The following CDC42BPG variants were observed in gnomAD, a reference collection of about 807,000 sequenced individuals.
CDC42BPG encodes CDC42 binding protein kinase gamma.
Under a neutral mutation model 192.2 loss-of-function variants are expected in CDC42BPG, and 157 were observed. The ratio of observed to expected loss-of-function variants is 0.82; its 90% CI spans 0.72 to 0.93. The LOEUF (loss-of-function observed/expected upper bound fraction) is 0.93, where lower values mean the gene tolerates loss of function less well. CDC42BPG is among the 40% of genes least tolerant of loss of function. The pLI is 0.00. For missense variants in CDC42BPG, 1,992 were observed against 2,122.1 expected, an observed-to-expected ratio of 0.94 and a Z score of 1.20; for synonymous variants, 981 against 918.5, an observed-to-expected ratio of 1.07 and a Z score of -1.23.
intron 1 of CDC42BPG, among the ~76,000 whole-genome samples, chr11:64,842,886 C>G (rs1371890208): frequency 1.3e-5 from 2 of 152,154 alleles, no homozygotes; most frequent in East Asian, 3.9e-4. Context: ...CTGGGCGGGT[C>G]TGTGGGTGGG....
chr11:64,827,557 G>A lies in CDC42BPG; in HGVS notation c.4120C>T (p.Arg1374Cys). ...AGCTGGTTCCTGAGGTAGGTCAGGC[G>A]GACCTTCTCGGTGCCGTAGAGGAAC... ...SLFLYGTEKV[R>C]LTYLRNQLAE... The change falls in exon 32 of 37, where the codon CGC becomes TGC. Residue 1374 changes from arginine to cysteine, a missense_variant. Around this residue, in one of 2 missense-constraint regions of CDC42BPG, gnomAD observed 336 missense variants for 277.9 expected, o/e 1.21. Transcript: ENST00000342711. 4 of 1,612,758 alleles carry A rather than the reference G, an allele frequency of 2.5e-6. No individual in the cohort carries two copies. The highest frequency in any genetic ancestry group is 3.4e-6 in the Non-Finnish European group (4 of 1,179,212).
rs11231887 is a variant in CDC42BPG, at chr11:64,831,667, C to T, written c.3142G>A (p.Ala1048Thr). Reference protein sequence around the residue: ...PPTTCTVLLLAESEGERERWL... With the variant: ...PPTTCTVLLLTESEGERERWL... The stretch of plus-strand genomic sequence containing the variant: ...CGTTCCCGCTCCCCCTCGCTCTCTG[C>T]CAGCAGCAGCACAGTGCACGTGGTG... The change falls in exon 28 of 37, where the codon GCA becomes ACA. Residue 1048 changes from alanine to threonine, a missense_variant. By Grantham distance (58) the Ala-to-Thr change is moderately conservative. Coordinates refer to ENST00000342711, the MANE Select transcript of CDC42BPG (RefSeq NM_017525.3). 0.035 allele frequency: 56,718 copies of T among 1,609,260 alleles called. 1,289 individuals are homozygous for T. The highest frequency in any genetic ancestry group is 0.052 in the Middle Eastern group (313 of 6,060).
rs55688429 is a variant in CDC42BPG, at chr11:64,838,695, T to C, written c.1084A>G (p.Thr362Ala). ...TCGTCATCCACATCAAAGTTGGAGG[T>C]GTCCATGGGCCCCCGCAGCTCAGGA... ...YIPELRGPMD[T>A]SNFDVDDDTL... Residue 362 changes from threonine to alanine, a missense_variant, in exon 8 of 37, where the codon ACC (threonine) becomes GCC (alanine). Physicochemically the swap from Thr to Ala is moderately conservative, Grantham distance 58 (BLOSUM62 0). Coordinates refer to ENST00000342711, the MANE Select transcript of CDC42BPG (RefSeq NM_017525.3). 6.2e-6 allele frequency: 10 copies of C among 1,613,124 alleles called. No individual in the cohort carries two copies. Among genetic ancestry groups the C allele is most frequent in the Non-Finnish European group, 8.5e-6 (10 of 1,179,988 alleles).
In CDC42BPG at chr11:64,834,543, A is replaced by G. The variant is rs559419981; in HGVS notation, c.2210T>C (p.Met737Thr). 3.5e-5 allele frequency: 56 copies of G among 1,586,860 alleles called. 1 individual carries two copies. In the South Asian group the frequency reaches 6.2e-4, roughly 18 times the overall value. The change falls in exon 19 of 37, where the codon ATG becomes ACG. Residue 737 changes from methionine (M) to threonine (T), a missense_variant. By Grantham distance (81) the Met-to-Thr change is moderately conservative. Coordinates refer to ENST00000342711, the MANE Select transcript of CDC42BPG (RefSeq NM_017525.3). ...CAGCTCCAGCCTGGCCGAGGCCTCC[A>G]TCTTCTGCAGTCGCCGCGCCTTCCA... is the stretch of plus-strand genomic sequence containing the variant. ...HQWKARRLQK[M>T]EASARLELQS...
At chr11:64,827,476 C>T (rs1942486124) in intron 32 of CDC42BPG, 51 bp downstream of exon 32, 1 of 1,603,264 alleles carries the variant, frequency 6.2e-7, no homozygotes, top group South Asian at 1.1e-5. Context: ...GCCACACAGC[C>T]ACACGTGCGC....
chr11:64,825,446 G>A (rs1394247421), intron 36 of CDC42BPG, among the ~76,000 whole-genome samples: 3 of 152,172 alleles, frequency 2.0e-5, no homozygotes, highest in Non-Finnish European at 2.9e-5. Flanking sequence ...CTGACCAAGC[G>A]GCCAGGAAGG....
In CDC42BPG at chr11:64,830,188, A is replaced by G; in HGVS notation, c.3367+6T>C. ...ACGCCCACCCTAGCCCAGCTTTGAT[A>G]GGTACCGTTGCTGCGCAGATGGATG... On this transcript the variant is annotated splice_donor_region_variant and intron_variant, in intron 29 of 36. Coordinates refer to ENST00000342711, the MANE Select transcript of CDC42BPG (RefSeq NM_017525.3). The G allele has an allele frequency of 6.2e-7, 1 of 1,613,554 alleles. No individual in the cohort carries two copies. Among genetic ancestry groups the G allele is most frequent in the Non-Finnish European group, 8.5e-7 (1 of 1,179,780 alleles).
chr11:64,839,299 C>T (rs1251455502), intron 6 of CDC42BPG, 66 bp from the exon 7 acceptor site: 5 of 1,583,894 alleles, frequency 3.2e-6, no homozygotes, highest in South Asian at 2.2e-5. Flanking sequence ...TGGCTCCTCG[C>T]GATGGCCCTG....
chr11:64,823,179 C>G lies in CDC42BPG; in HGVS notation c.*1294G>C, dbSNP rs577512845. 6.6e-6 allele frequency among the ~76,000 whole-genome samples: 1 copy of G among 151,714 alleles called. No individual in the cohort carries two copies. The highest frequency in any genetic ancestry group is 1.5e-5 in the Non-Finnish European group (1 of 67,880). On this transcript the variant is annotated 3_prime_UTR_variant, in exon 37 of 37. Transcript: ENST00000342711. ...TCGGCTCACTGCAAGCTCCGCCTCC[C>G]GGGTTCACGCCATTCTCCTGCCTCA...
At position 64,830,313 on chromosome 11, in the gene CDC42BPG, T is replaced by C. The variant is rs1942627274; in HGVS notation, c.3305-57A>G. 4 of 1,424,160 alleles carry C rather than the reference T, an allele frequency of 2.8e-6. No homozygotes were observed. In the South Asian group the frequency reaches 3.6e-5, roughly 13 times the overall value. 88.2% of individuals were successfully genotyped at this position (1,424,160 alleles called of 1,614,324 possible). On this transcript the variant is annotated intron_variant, in intron 28 of 36. Transcript: ENST00000342711. Reference sequence around the variant, plus strand: ...GCAGTCCCACTCAATGACACGGAGATTGGGCAGTCCACCTGCCCTGCTGTG... The same window carrying C: ...GCAGTCCCACTCAATGACACGGAGACTGGGCAGTCCACCTGCCCTGCTGTG...
Position 64,835,907 on chromosome 11 carries a change from C to T in CDC42BPG, c.1669-56G>A. ...AACTCTGCCCTCGGCAGCCCCTCTG[C>T]CCACCTTACCATGGACTCCAGACCT... On this transcript the variant is annotated intron_variant, in intron 13 of 36. Coordinates refer to ENST00000342711, the MANE Select transcript of CDC42BPG (RefSeq NM_017525.3). The T allele has an allele frequency of 5.3e-6, 8 of 1,500,290 alleles. No homozygotes were observed. The South Asian group carries it at 9.5e-5, about 18-fold the overall frequency. 92.9% of individuals were successfully genotyped at this position (1,500,290 alleles called of 1,614,324 possible).
chr11:64,833,282 G>A lies in CDC42BPG; in HGVS notation c.2680C>T (p.Arg894Cys), dbSNP rs557139781. The A allele has an allele frequency of 7.8e-6, 12 of 1,546,964 alleles. No homozygotes were observed. Among genetic ancestry groups the A allele is most frequent in the African/African-American group, 2.7e-5 (2 of 72,948 alleles). The stretch of plus-strand genomic sequence containing the variant: ...AGGCCCAGCATCAGCGAGGTGCAGC[G>A]GAGACACTTGGTCGGGGATGGGAAG... ...RSFPSPTKCL[R>C]CTSLMLGLGR... Residue 894 changes from arginine (R) to cysteine (C), a missense_variant, in exon 24 of 37, where the codon CGC becomes TGC. Arg to Cys is a radical substitution (Grantham distance 180). Around this residue, in one of 2 missense-constraint regions of CDC42BPG, gnomAD observed 1,656 missense variants for 1,844.3 expected, o/e 0.90. Coordinates refer to ENST00000342711, the MANE Select transcript of CDC42BPG (RefSeq NM_017525.3).
At position 64,836,716 on chromosome 11, in the gene CDC42BPG, G is replaced by GA. The variant is rs780577564; in HGVS notation, c.1384+22_1384+23insT. 26 of 869,186 alleles carry GA rather than the reference G, an allele frequency of 3.0e-5. 4 individuals are homozygous for GA. Among genetic ancestry groups the GA allele is most frequent in the Admixed American group, 9.1e-5 (3 of 32,918 alleles). 53.8% of individuals were successfully genotyped at this position (869,186 alleles called of 1,614,324 possible). ...GGTGGGACTCAGCCCTGGGGGGGGG[G>GA]GGGGGGTGGGCGGAAGGGATACCTG... On this transcript the variant is annotated intron_variant, in intron 11 of 36. Transcript: ENST00000342711.
intron 3 of CDC42BPG, among the ~76,000 whole-genome samples, 172 bp from the exon 4 acceptor site, chr11:64,840,820 T>C (rs1435785592): frequency 3.3e-5 from 5 of 152,188 alleles, no homozygotes; most frequent in African/African-American, 1.2e-4. Flanking sequence ...GCTCTACAGC[T>C]CTGGGCCTCA....
Position 64,834,240 on chromosome 11 carries a change from G to A in CDC42BPG, c.2413+26C>T, listed in dbSNP as rs375026091. On this transcript the variant is annotated intron_variant, in intron 20 of 36. Coordinates refer to ENST00000342711, the MANE Select transcript of CDC42BPG (RefSeq NM_017525.3). ...GGAGGCCGCGGGGGAGCCTGGCTCC[G>A]GGGCAAGCAGTTGGCAGCCACTCAC... 51 of 1,545,242 alleles carry A rather than the reference G, an allele frequency of 3.3e-5. No homozygotes were observed. In the African/African-American group the frequency reaches 4.4e-4, roughly 13 times the overall value.
chr11:64,843,631 G>C (rs897316055), intron 1 of CDC42BPG, among the ~76,000 whole-genome samples: 1 of 152,190 alleles, frequency 6.6e-6, no homozygotes, highest in Non-Finnish European at 1.5e-5. Flanking sequence ...GGTGTGACCA[G>C]GGAACCCTCC....
intron 25 of CDC42BPG, 36 bp downstream of exon 25, chr11:64,832,790 C>G (rs1310595678): frequency 6.3e-7 from 1 of 1,592,188 alleles, no homozygotes; most frequent in African/African-American, 1.4e-5. Context: ...CCTCAGCCCC[C>G]CATGCCCATC....
chr11:64,829,223 GA>G (rs1007795022), intron 30 of CDC42BPG, among the ~76,000 whole-genome samples: 3 of 151,250 alleles, frequency 2.0e-5, no homozygotes, highest in African/African-American at 7.3e-5. Flanking sequence ...TGTCTCAAAA[GA>G]AAAAAAAAGT....
chr11:64,840,794 C>T, intron 3 of CDC42BPG, 146 bp from the exon 4 acceptor site: 1 of 695,468 alleles, frequency 1.4e-6, no homozygotes, highest in South Asian at 1.7e-5. Context: ...CTGGCTGCGA[C>T]TGAGCCCAAG....
Sources: allele counts gnomAD v4.1 joint callset (sites outside exome capture counted in the v4.1 genomes callset), GRCh38; gene constraint gnomAD v4.1.1; regional missense constraint gnomAD v4.1.1; transcripts MANE v1.5; gene names NCBI Gene and HGNC (gene_info 2026-07-23, HGNC 2026-07-21).